The following FHIP1B variants were observed in gnomAD, a reference collection of about 807,000 sequenced individuals.
FHIP1B encodes FHF complex subunit HOOK-interacting protein 1B.
Under a neutral mutation model 82.2 loss-of-function variants are expected in FHIP1B, and 28 were observed. The observed-to-expected ratio is 0.34, with a 90% confidence interval of 0.25 to 0.47. The LOEUF is 0.47. FHIP1B is among the 20% of genes least tolerant of loss of function. The pLI is 1.00. For synonymous variants in FHIP1B, 585 were observed against 516.1 expected (o/e 1.13, Z -1.81); for missense variants, 1,110 against 1,262.6 (o/e 0.88, Z 1.83).
At chr11:6,226,757 G>A (rs1847575728) in intron 1 of FHIP1B, among the ~76,000 whole-genome samples, 1 of 152,180 alleles carries the variant, frequency 6.6e-6, no homozygotes, top group Non-Finnish European at 1.5e-5. Context: ...TAAATATTAT[G>A]CTAAGGAGTT....
In FHIP1B at chr11:6,223,411, A is replaced by G. The variant is rs372322974; in HGVS notation, c.778-173T>C. Among the ~76,000 whole-genome samples the G allele has an allele frequency of 3.9e-5, 6 of 152,318 alleles. No individual in the cohort carries two copies. The East Asian group carries it at 5.8e-4, about 15-fold the overall frequency. On this transcript the variant is annotated intron_variant, in intron 3 of 11. Transcript: ENST00000449352. This position sits in a 1 kb window ranked among gnomAD's most constrained non-coding sequence, Gnocchi z 4.8. ...ACTCACCTAGAATTCACAGGCCTAC[A>G]AAGAGACTTAGTATCTGCCCTATCC...
At chr11:6,225,543 G>T (rs1013990684) in intron 1 of FHIP1B, among the ~76,000 whole-genome samples, 37 of 152,146 alleles carry the variant, frequency 2.4e-4, no homozygotes, top group Admixed American at 8.5e-4. Context: ...GCTTCTTTGA[G>T]GGCAGGGTTT....
intron 1 of FHIP1B, among the ~76,000 whole-genome samples, chr11:6,225,568 G>A (rs1564868750): frequency 6.6e-6 from 1 of 152,170 alleles, no homozygotes; most frequent in Non-Finnish European, 1.5e-5. Flanking sequence ...TATTGTGTCT[G>A]TTGTATCCCC....
At chr11:6,225,490 C>G (rs1847538021) in intron 1 of FHIP1B, among the ~76,000 whole-genome samples, 1 of 152,194 alleles carries the variant, frequency 6.6e-6, no homozygotes, top group Non-Finnish European at 1.5e-5. Flanking sequence ...TTTTCACTAC[C>G]TGAAACTATT....
At chr11:6,211,892 A>G (rs1333599745) in intron 11 of FHIP1B, 25 bp from the exon 12 acceptor site, 2 of 1,527,478 alleles carry the variant, frequency 1.3e-6, no homozygotes, top group East Asian at 4.5e-5. Context: ...GGGTATCATG[A>G]AGGTGCTGGG....
chr11:6,220,217 G>C (rs1273617603), intron 6 of FHIP1B, among the ~76,000 whole-genome samples: 1 of 152,150 alleles, frequency 6.6e-6, no homozygotes, highest in African/African-American at 2.4e-5. Context: ...CAAGGAATCT[G>C]GTTGCTCTAC....
Position 6,226,494 on chromosome 11 carries a change from G to T in FHIP1B, c.-191-1787C>A, listed in dbSNP as rs138357978. ...TGAAGGAAAACAACTAACTCTGCCTGGGCTATTAGAGGGTTCCACAGAGTT... is the reference window on the plus strand; with the variant it reads ...TGAAGGAAAACAACTAACTCTGCCTTGGCTATTAGAGGGTTCCACAGAGTT... On this transcript the variant is annotated intron_variant, in intron 1 of 11. Coordinates refer to ENST00000449352, the MANE Select transcript of FHIP1B (RefSeq NM_001098794.2). Among the ~76,000 whole-genome samples the T allele has an allele frequency of 5.3e-5, 8 of 152,272 alleles. No homozygotes were observed. In the East Asian group the frequency reaches 1.5e-3, roughly 29 times the overall value.
intron 9 of FHIP1B, chr11:6,217,015 T>C (rs1847246557): frequency 1.5e-6 from 1 of 683,918 alleles, no homozygotes; most frequent in Non-Finnish European, 2.7e-6. Context: ...ACGTCTTCAA[T>C]ATGGTTCAGA....
chr11:6,211,749 G>T lies in FHIP1B; in HGVS notation c.2676C>A (p.Gly892=). ...AAGCCCCAGGGGAGCCCCCACTTAG[G>T]CCAAGTCCTGCTCCGTCTCGCCCAG... is the stretch of plus-strand genomic sequence containing the variant. ...LQPGRDGAGL[G]LSGGSPGAST... is the part of the protein sequence containing the mutation. The change falls in exon 12 of 12, where the codon GGC becomes GGA. Residue 892 remains glycine (G), a synonymous_variant. Coordinates refer to ENST00000449352, the MANE Select transcript of FHIP1B (RefSeq NM_001098794.2). 6.2e-7 allele frequency: 1 copy of T among 1,614,216 alleles called. No individual in the cohort carries two copies. Among genetic ancestry groups the T allele is most frequent in the Non-Finnish European group, 8.5e-7 (1 of 1,180,028 alleles).
At chr11:6,216,895 G>C in intron 9 of FHIP1B, 1 of 598,104 alleles carries the variant, frequency 1.7e-6, no homozygotes. Context: ...ATACCAGAAG[G>C]TTAACCTTAG....
At chr11:6,217,028 T>C (rs1343613571) in intron 9 of FHIP1B, 1 of 692,658 alleles carries the variant, frequency 1.4e-6, no homozygotes, top group Non-Finnish European at 2.6e-6. Context: ...GGTTCAGAAA[T>C]ATTGCTGTGA....
At chr11:6,216,200 C>CT (rs1244414773) in intron 9 of FHIP1B, among the ~76,000 whole-genome samples, 6 of 152,186 alleles carry the variant, frequency 3.9e-5, no homozygotes, top group Non-Finnish European at 7.3e-5. Context: ...CTGTAGGAGG[C>CT]AAGAAGAGGG....
At chr11:6,232,033 G>T (rs1278161779) in intron 1 of FHIP1B, among the ~76,000 whole-genome samples, 2 of 152,152 alleles carry the variant, frequency 1.3e-5, no homozygotes, top group Non-Finnish European at 2.9e-5. Context: ...AGAGTGCCTG[G>T]CACAGAGCAG....
intron 1 of FHIP1B, among the ~76,000 whole-genome samples, chr11:6,230,688 A>C (rs1847675066): frequency 6.6e-6 from 1 of 152,246 alleles, no homozygotes; most frequent in African/African-American, 2.4e-5. Context: ...TCCTCTTTAC[A>C]GCAATGAATC....
At chr11:6,212,603 G>A (rs551221290) in intron 11 of FHIP1B, among the ~76,000 whole-genome samples, 24 of 152,256 alleles carry the variant, frequency 1.6e-4, no homozygotes, top group Non-Finnish European at 2.8e-4. Flanking sequence ...TCAAAACAAC[G>A]TCCTCTTGCC....
Position 6,224,063 on chromosome 11 carries a change from A to G in FHIP1B, c.324T>C (p.Arg108=). The change falls in exon 3 of 12, where the codon CGT becomes CGC. Residue 108 remains arginine, a synonymous_variant. Transcript: ENST00000449352. ...EFALHEDLLT[R]VLTWQLQWDE... is the part of the protein sequence containing the mutation. ...CCCATTGCAGCTGCCATGTCAACAC[A>G]CGGGTCAGCAGATCCTCGTGCAGAG... 1 of 1,613,508 alleles carries G rather than the reference A, an allele frequency of 6.2e-7. No homozygotes were observed.
intron 11 of FHIP1B, 54 bp from the exon 12 acceptor site, chr11:6,211,921 G>C: frequency 1.3e-6 from 2 of 1,492,898 alleles, no homozygotes; most frequent in East Asian, 4.6e-5. Flanking sequence ...ACCTCCCTTG[G>C]ACTGAGAGGG....
At chr11:6,213,925 C>T (rs1318435637) in intron 11 of FHIP1B, among the ~76,000 whole-genome samples, 1 of 150,142 alleles carries the variant, frequency 6.7e-6, no homozygotes, top group South Asian at 2.1e-4. Flanking sequence ...AACATCCCAA[C>T]TTCTACTCTG....
At position 6,222,456 on chromosome 11, in the gene FHIP1B, C is replaced by A. The variant is rs771687836; in HGVS notation, c.1177G>T (p.Gly393Cys). Reference sequence around the variant, plus strand: ...AAGGGCCATACCCGGGAGTTACTGCCAATACGAGCAACGAGGGTGTCGAGG... The same window carrying A: ...AAGGGCCATACCCGGGAGTTACTGCAAATACGAGCAACGAGGGTGTCGAGG... ...TILDTLVARI[G>C]SNSRLCMVSL... Residue 393 changes from glycine (G) to cysteine (C), a missense_variant, in exon 6 of 12, where the codon GGC (glycine) becomes TGC (cysteine). By Grantham distance (159) the Gly-to-Cys change is radical (BLOSUM62 -3). Transcript: ENST00000449352. The A allele has an allele frequency of 1.9e-6, 3 of 1,613,708 alleles. No individual in the cohort carries two copies. In the East Asian group the frequency reaches 6.7e-5, roughly 36 times the overall value.
Sources: allele counts gnomAD v4.1 joint callset (sites outside exome capture counted in the v4.1 genomes callset), GRCh38; gene constraint gnomAD v4.1.1; non-coding constraint Gnocchi (gnomAD v3.1); transcripts MANE v1.5; gene names NCBI Gene and HGNC (gene_info 2026-07-23, HGNC 2026-07-21).